The following ERI2 variants were observed in gnomAD, a reference collection of about 807,000 sequenced individuals.
ERI2 encodes ERI1 exoribonuclease family member 2, also known as ERI1 exoribonuclease 2.
Under a neutral mutation model 46.8 loss-of-function variants are expected in ERI2, and 35 were observed. That is an observed-to-expected ratio of 0.75 (90% CI 0.57 to 0.99). ERI2 has a LOEUF of 0.99. Among genes scored for constraint, ERI2 ranks in the 50% least tolerant of loss-of-function variants. The pLI, the probability that ERI2 is intolerant of heterozygous loss-of-function variation, is 0.00. For missense variants in ERI2, 695 were observed against 796.2 expected (o/e 0.87, Z 1.53); for synonymous variants, 224 against 271.0 (o/e 0.83, Z 1.70).
chr16:20,797,104 G>A lies in ERI2; in HGVS notation c.*620C>T. Reference sequence around the variant, plus strand: ...AAACTGTTGATTTAAAATATCTTGTGGTTATGATATCAGAGGCTAAATTTT... The same window carrying A: ...AAACTGTTGATTTAAAATATCTTGTAGTTATGATATCAGAGGCTAAATTTT... On this transcript the variant is annotated 3_prime_UTR_variant, in exon 9 of 9. Transcript: ENST00000357967. 1 of 1,394,730 alleles carries A rather than the reference G, an allele frequency of 7.2e-7. No homozygotes were observed. The allele number at this position is 1,394,730 out of a possible 1,614,324, so 86.4% of individuals were successfully genotyped here.
chr16:20,797,335 C>G lies in ERI2; in HGVS notation c.*389G>C, dbSNP rs2080741519. 9.9e-7 allele frequency: 1 copy of G among 1,007,642 alleles called. No individual in the cohort carries two copies. Among genetic ancestry groups the G allele is most frequent in the African/African-American group, 1.7e-5 (1 of 58,140 alleles). 62.4% of individuals were successfully genotyped at this position (1,007,642 alleles called of 1,614,324 possible). ...TGATATACAAATCAGAACCAATGTTCAAGCCTGAAATAAAACTAAAGAACT... is the reference window on the plus strand; with the variant it reads ...TGATATACAAATCAGAACCAATGTTGAAGCCTGAAATAAAACTAAAGAACT... On this transcript the variant is annotated 3_prime_UTR_variant, in exon 9 of 9. Transcript: ENST00000357967.
At chr16:20,785,163 A>C in intron 10 of ERI2, 1 of 1,601,526 alleles carries the variant, frequency 6.2e-7, no homozygotes, top group Non-Finnish European at 8.5e-7. Flanking sequence ...GATGAATAAA[A>C]ACCAAAGTGT....
At chr16:20,804,806 T>C (rs1459473713) in intron 1 of ERI2, among the ~76,000 whole-genome samples, 1 of 152,216 alleles carries the variant, frequency 6.6e-6, no homozygotes, top group Non-Finnish European at 1.5e-5. Flanking sequence ...CTGTGTTTGC[T>C]AAGAGTGGGA....
intron 4 of ERI2, 143 bp from the exon 5 acceptor site, chr16:20,801,502 A>G: frequency 1.2e-6 from 1 of 844,766 alleles, no homozygotes; most frequent in East Asian, 2.9e-5. Context: ...GTGGGAAGAC[A>G]TAACAAAGTG....
At position 20,801,767 on chromosome 16, in the gene ERI2, A is replaced by AT. The variant is rs879373678; in HGVS notation, c.304-409dup. Among the ~76,000 whole-genome samples, 305 of 151,032 alleles carry AT rather than the reference A, an allele frequency of 2.0e-3. 1 individual carries two copies. The highest frequency in any genetic ancestry group is 4.9e-3 in the African/African-American group (201 of 41,220). The stretch of plus-strand genomic sequence containing the variant: ...TGTATTTATTTAATTTTTAAAATTT[A>AT]TTTTTTTTTGAGACGAGGTCTTGCT... On this transcript the variant is annotated intron_variant, in intron 4 of 8. Coordinates refer to ENST00000357967, the MANE Select transcript of ERI2 (RefSeq NM_001142725.2).
In ERI2 at chr16:20,801,325, C is replaced by G. The variant is rs1055848435; in HGVS notation, c.338G>C (p.Cys113Ser). The G allele has an allele frequency of 1.2e-6, 2 of 1,606,422 alleles. No individual in the cohort carries two copies. Among genetic ancestry groups the G allele is most frequent in the Non-Finnish European group, 1.7e-6 (2 of 1,176,740 alleles). Residue 113 changes from cysteine to serine, a missense_variant, in exon 5 of 9, where the codon TGC becomes TCC. By Grantham distance (112) the Cys-to-Ser change is moderately radical. Transcript: ENST00000357967. ...AATCCATTTACAGAACTGAGATAAG[C>G]AAATCTTCAGAGGGACTCCTTCATC... ...QVDEGVPLKI[C>S]LSQFCKWIHK...
exon 11 of ERI2, chr16:20,780,297 G>A: frequency 3.7e-6 from 1 of 269,028 alleles, no homozygotes; most frequent in South Asian, 4.6e-5. Flanking sequence ...TTACTAACAT[G>A]TATTGTATTA....
At position 20,780,600 on chromosome 16, in the gene ERI2, G is replaced by A. The variant is rs753782085; in HGVS notation, c.*42C>T. The A allele has an allele frequency of 2.5e-6, 4 of 1,604,294 alleles. No individual in the cohort carries two copies. In the African/African-American group the frequency reaches 5.4e-5, roughly 21 times the overall value. ...CCCTGTAATTCAAGCTAAGCCACTGGCACCTGATTCATGACATGAAGAGGT... is the reference window on the plus strand; with the variant it reads ...CCCTGTAATTCAAGCTAAGCCACTGACACCTGATTCATGACATGAAGAGGT... On this transcript the variant is annotated 3_prime_UTR_variant, in exon 11 of 11. Coordinates refer to the ERI2 transcript ENST00000300005.
chr16:20,787,742 A>G (rs1283119462), intron 10 of ERI2, among the ~76,000 whole-genome samples: 1 of 152,218 alleles, frequency 6.6e-6, no homozygotes, highest in East Asian at 1.9e-4. Context: ...TGGTTCAACT[A>G]TATCTCTGCT....
rs757496130 is a variant in ERI2 at position 20,796,365 on chromosome 16, T to G, written c.*1359A>C. On this transcript the variant is annotated 3_prime_UTR_variant, in exon 9 of 9. Coordinates refer to ENST00000357967, the MANE Select transcript of ERI2 (RefSeq NM_001142725.2). ...TTTTCCTGGTGTTTCAAATATTTAT[T>G]TTAGGTAGTAAAGGCTTTTGTCGTT... The G allele has an allele frequency of 6.2e-7, 1 of 1,605,168 alleles. No individual in the cohort carries two copies. Among genetic ancestry groups the G allele is most frequent in the Non-Finnish European group, 8.5e-7 (1 of 1,177,786 alleles).
intron 5 of ERI2, chr16:20,800,807 AAC>A (rs140011634): frequency 0.019 from 3,382 of 176,984 alleles, 137 homozygotes; most frequent in African/African-American, 0.076. Context: ...GCAATGCTCT[AAC>A]ACAGTCATAC....
At chr16:20,789,290 C>A (rs1482446158) in intron 10 of ERI2, among the ~76,000 whole-genome samples, 1 of 152,068 alleles carries the variant, frequency 6.6e-6, no homozygotes, top group African/African-American at 2.4e-5. Flanking sequence ...CCTCATGTGT[C>A]AAATGGGCAT....
exon 11 of ERI2, chr16:20,780,555 A>C: frequency 1.3e-6 from 2 of 1,482,188 alleles, no homozygotes; most frequent in Non-Finnish European, 1.8e-6. Flanking sequence ...CTAAAAGGAT[A>C]GAGAAAGTGA....
chr16:20,796,217 G>A, downstream of ERI2: 1 of 1,309,918 alleles, frequency 7.6e-7, no homozygotes, highest in Middle Eastern at 2.4e-4. Context: ...CCAGGAAGTG[G>A]CTGGCTTAAG....
intron 10 of ERI2, chr16:20,785,208 G>A (rs913240126): frequency 1.4e-6 from 2 of 1,473,618 alleles, no homozygotes; most frequent in Non-Finnish European, 1.8e-6. Context: ...AGGGATAGGA[G>A]TTGAGTGGTT....
chr16:20,780,731 A>G (rs756477969), exon 11 of ERI2: 2 of 1,614,206 alleles, frequency 1.2e-6, no homozygotes, highest in Admixed American at 1.7e-5. Flanking sequence ...AGTGACAGCC[A>G]CACCTGTGTG....
chr16:20,797,828 C>T lies in ERI2; in HGVS notation c.1972G>A (p.Gly658Arg), dbSNP rs774686955. The T allele has an allele frequency of 6.4e-7, 1 of 1,551,368 alleles. No homozygotes were observed. Among genetic ancestry groups the T allele is most frequent in the African/African-American group, 1.4e-5 (1 of 73,014 alleles). The change falls in exon 9 of 9, where the codon GGG (glycine) becomes AGG (arginine). Residue 658 changes from glycine to arginine, a missense_variant. Transcript: ENST00000357967. ...ANSMVPSHST[G>R]GLTFSSPETS... ...TCTGGAGAACTAAAAGTGAGTCCCCCTGTGGAATGAGATGGAACCATGCTG... is the reference window on the plus strand; with the variant it reads ...TCTGGAGAACTAAAAGTGAGTCCCCTTGTGGAATGAGATGGAACCATGCTG...
downstream of ERI2, chr16:20,791,887 T>G (rs1360409792): frequency 8.8e-5 from 109 of 1,239,556 alleles, 1 homozygote; most frequent in East Asian, 7.3e-4. Flanking sequence ...AAGATCGTAC[T>G]ACTGCACTCC....
chr16:20,806,237 G>C lies in ERI2; in HGVS notation c.23+171C>G, dbSNP rs980817850. Reference sequence around the variant, plus strand: ...AAGGTGGCCCAAGGCTGAAGACCGAGGTCCAGGGAGGCGCCTTTCCAACCG... The same window carrying C: ...AAGGTGGCCCAAGGCTGAAGACCGACGTCCAGGGAGGCGCCTTTCCAACCG... On this transcript the variant is annotated intron_variant, in intron 1 of 8. Coordinates refer to ENST00000357967, the MANE Select transcript of ERI2 (RefSeq NM_001142725.2). The C allele has an allele frequency of 5.0e-6, 7 of 1,412,680 alleles. No individual in the cohort carries two copies. In the African/African-American group the frequency reaches 1.0e-4, roughly 21 times the overall value. The allele number at this position is 1,412,680 out of a possible 1,614,324, so 87.5% of individuals were successfully genotyped here. A position where few individuals can be genotyped will look rare whatever the true frequency, so the allele number is the denominator to read the frequency against.
Sources: allele counts gnomAD v4.1 joint callset (sites outside exome capture counted in the v4.1 genomes callset), GRCh38; gene constraint gnomAD v4.1.1; transcripts MANE v1.5; gene names NCBI Gene and HGNC (gene_info 2026-07-23, HGNC 2026-07-21).